The following NPIPB2 variants were observed in gnomAD, a reference collection of about 807,000 sequenced individuals.
The protein encoded by NPIPB2 is nuclear pore complex-interacting protein family member B2.
NPIPB2 carries 27 observed loss-of-function variants against 30.8 expected under a neutral mutation model. The ratio of observed to expected loss-of-function variants is 0.88; its 90% CI spans 0.65 to 1.21. The LOEUF is 1.21. Among genes scored for constraint, NPIPB2 ranks in the 50% most tolerant of loss-of-function variants. NPIPB2 has a pLI of 0.00. For missense variants in NPIPB2, 440 were observed against 446.2 expected (o/e 0.99, Z 0.13); for synonymous variants, 147 against 162.0 (o/e 0.91, Z 0.70).
upstream of NPIPB2, among the ~76,000 whole-genome samples, chr16:11,947,040 T>TTATATG (rs1555509040): frequency 7.2e-6 from 1 of 139,826 alleles, no homozygotes; most frequent in Non-Finnish European, 1.5e-5. Context: ...ACTATTTGAA[T>TTATATG]TATATATATA....
chr16:11,955,353 CAA>C lies in NPIPB2; in HGVS notation c.-583-13241_-583-13240del, dbSNP rs34066078. Among the ~76,000 whole-genome samples, 81 of 46,628 alleles carry C rather than the reference CAA, an allele frequency of 1.7e-3. 1 individual carries two copies. The highest frequency in any genetic ancestry group is 4.0e-3 in the African/African-American group (54 of 13,578). 30.6% of individuals were successfully genotyped at this position (46,628 alleles called of 152,430 possible). On this transcript the variant is annotated intron_variant, in intron 1 of 5. Transcript: ENST00000538896. ...TAGGTGACCGAGTGAAACTCTGTGTCAAAAAAAAAAAAAAAAAAAAAAAGGTT... is the reference window on the plus strand; with the variant it reads ...TAGGTGACCGAGTGAAACTCTGTGTCAAAAAAAAAAAAAAAAAAAAAGGTT...
At chr16:11,934,192 T>C (rs1762424475) in intron 2 of NPIPB2, among the ~76,000 whole-genome samples, 1 of 148,246 alleles carries the variant, frequency 6.7e-6, no homozygotes, top group Non-Finnish European at 1.5e-5. Context: ...ATCACACCAC[T>C]GCACTCCAGC....
At chr16:11,952,187 C>G (rs762367902) in intron 1 of NPIPB2, among the ~76,000 whole-genome samples, 2 of 79,730 alleles carry the variant, frequency 2.5e-5, no homozygotes, top group African/African-American at 9.1e-5. Context: ...AAAAAAAAAA[C>G]AAAGAAAAAA....
chr16:11,958,496 A>C (rs1232259868), intron 1 of NPIPB2, among the ~76,000 whole-genome samples: 1 of 151,778 alleles, frequency 6.6e-6, no homozygotes, highest in African/African-American at 2.4e-5. Context: ...TTGGGAGGCC[A>C]AGTGGGGTGG....
intron 1 of NPIPB2, among the ~76,000 whole-genome samples, chr16:11,975,591 TTTG>T (rs376313645): frequency 4.2e-4 from 63 of 151,518 alleles, no homozygotes; most frequent in African/African-American, 1.4e-3. Flanking sequence ...AAGAGCCATT[TTTG>T]TTGTTGTTGT....
intron 1 of NPIPB2, among the ~76,000 whole-genome samples, chr16:11,952,165 AAAAACAAAAC>A (rs1166765871): frequency 2.6e-5 from 1 of 38,242 alleles, no homozygotes; most frequent in African/African-American, 8.1e-5. Context: ...AAAAAAAAAC[AAAAACAAAAC>A]AAAAAAAAAA....
upstream of NPIPB2, among the ~76,000 whole-genome samples, chr16:11,947,040 T>TTATATATATATATATA (rs57486204): frequency 1.8e-4 from 25 of 139,812 alleles, no homozygotes; most frequent in South Asian, 7.0e-4. Flanking sequence ...ACTATTTGAA[T>TTATATATATATATATA]TATATATATA....
At chr16:11,950,192 C>T (rs2055049960) in intron 1 of NPIPB2, among the ~76,000 whole-genome samples, 2 of 152,112 alleles carry the variant, frequency 1.3e-5, no homozygotes, top group South Asian at 4.1e-4. Flanking sequence ...GCCACCACCC[C>T]TGGCTAATTT....
At chr16:11,965,256 T>C in intron 1 of NPIPB2, 1 of 1,585,244 alleles carries the variant, frequency 6.3e-7, no homozygotes. Flanking sequence ...GCTCTGGAAT[T>C]CTTGTAGAGA....
At position 11,968,969 on chromosome 16, in the gene NPIPB2, C is replaced by T. The variant is rs111254272; in HGVS notation, c.-584+7599G>A. ...ACAACCTCCACCTCTCAGGTTCAAG[C>T]GATTCTCTTGCCTCAGCCTCCCGAG... On this transcript the variant is annotated intron_variant, in intron 1 of 5. Coordinates refer to the NPIPB2 transcript ENST00000538896. 3.0e-3 allele frequency among the ~76,000 whole-genome samples: 460 copies of T among 151,744 alleles called. 4 individuals are homozygous for T. Among genetic ancestry groups the T allele is most frequent in the African/African-American group, 0.011 (439 of 41,348 alleles).
chr16:11,957,646 G>A (rs1455897954), intron 1 of NPIPB2, among the ~76,000 whole-genome samples: 1 of 152,122 alleles, frequency 6.6e-6, no homozygotes, highest in African/African-American at 2.4e-5. Flanking sequence ...ATGTGCGTGG[G>A]CTTCATCCAA....
chr16:11,948,522 T>G (rs2055033281), intron 1 of NPIPB2, among the ~76,000 whole-genome samples: 1 of 151,876 alleles, frequency 6.6e-6, no homozygotes, highest in African/African-American at 2.4e-5. Flanking sequence ...ATCCCAGCAC[T>G]TTGGGAGCCC....
chr16:11,955,986 A>C (rs796667811), intron 1 of NPIPB2, among the ~76,000 whole-genome samples: 28 of 151,986 alleles, frequency 1.8e-4, no homozygotes, highest in African/African-American at 6.3e-4. Context: ...CGAAGACCCA[A>C]ATGTTTTGCC....
At chr16:11,938,037 A>G (rs988879655) in intron 1 of NPIPB2, among the ~76,000 whole-genome samples, 2 of 152,262 alleles carry the variant, frequency 1.3e-5, no homozygotes, top group Non-Finnish European at 2.9e-5. Flanking sequence ...TTTTTGAGAC[A>G]GAGTTCCGCT....
upstream of NPIPB2, among the ~76,000 whole-genome samples, chr16:11,943,997 CAAAAA>C (rs398070768): frequency 4.0e-5 from 2 of 50,348 alleles, no homozygotes; most frequent in African/African-American, 1.6e-4. Flanking sequence ...GACTCTGTCT[CAAAAA>C]AAAAAAAAAA....
intron 1 of NPIPB2, among the ~76,000 whole-genome samples, chr16:11,970,443 C>T (rs1219883106): frequency 6.6e-6 from 1 of 152,074 alleles, no homozygotes; most frequent in African/African-American, 2.4e-5. Flanking sequence ...GGACTCCTGA[C>T]CTCAGGTGAT....
At chr16:11,966,026 G>A (rs1043800766) in intron 1 of NPIPB2, among the ~76,000 whole-genome samples, 72 of 152,164 alleles carry the variant, frequency 4.7e-4, no homozygotes, top group African/African-American at 1.7e-3. Flanking sequence ...CAGGAGAATT[G>A]TTTGAACTTG....
At chr16:11,969,682 T>G (rs11570170) in intron 1 of NPIPB2, among the ~76,000 whole-genome samples, 2 of 152,250 alleles carry the variant, frequency 1.3e-5, no homozygotes, top group African/African-American at 4.8e-5. Flanking sequence ...TCCAGCTTAA[T>G]GAAAGCATCA....
intron 1 of NPIPB2, among the ~76,000 whole-genome samples, chr16:11,947,712 T>C (rs2055025680): frequency 6.6e-6 from 1 of 151,906 alleles, no homozygotes; most frequent in African/African-American, 2.4e-5. Context: ...GTAAATATAA[T>C]TTTTTAAAAA....
Sources: allele counts gnomAD v4.1 joint callset (sites outside exome capture counted in the v4.1 genomes callset), GRCh38; gene constraint gnomAD v4.1.1; transcripts MANE v1.5; gene names NCBI Gene and HGNC (gene_info 2026-07-23, HGNC 2026-07-21).